The following RBBP7 variants were observed in gnomAD, a reference collection of about 807,000 sequenced individuals.
RBBP7 encodes the protein histone-binding protein RBBP7.
A neutral mutation model predicts 35.2 loss-of-function variants in RBBP7; 5 were observed. The observed-to-expected ratio is 0.14, with a 90% CI of 0.07 to 0.30. The LOEUF (loss-of-function observed/expected upper bound fraction) is 0.30. Among genes scored for constraint, RBBP7 ranks in the 10% least tolerant of loss-of-function variants. The probability of loss-of-function intolerance (pLI) is 1.00; values close to 1 mark genes in which losing one functional copy is unlikely to be tolerated. For missense variants in RBBP7, 155 were observed against 327.5 expected (o/e 0.47, Z 4.07); for synonymous variants, 140 against 118.7 (o/e 1.18, Z -1.17).
chrX:16,852,993 A>G, intron 6 of RBBP7, 118 bp from the exon 7 acceptor site: 1 of 1,091,070 alleles, frequency 9.2e-7, no homozygotes, highest in Non-Finnish European at 1.2e-6. Context: ...TCATGAAGAA[A>G]CCAACCACAC....
At chrX:16,862,790 A>T (rs1930506440) in intron 3 of RBBP7, among the ~76,000 whole-genome samples, 165 bp downstream of exon 3, 2 of 112,509 alleles carry the variant, frequency 1.8e-5, no homozygotes, top group African/African-American at 6.5e-5. Context: ...CAATTCTGCA[A>T]TTACGACTAA....
intron 2 of RBBP7, among the ~76,000 whole-genome samples, chrX:16,863,484 AG>A (rs902424899): frequency 1.8e-5 from 2 of 112,002 alleles, no homozygotes; most frequent in Non-Finnish European, 3.8e-5. Context: ...TCCCACCTAA[AG>A]AAATCTTCTT....
intron 8 of RBBP7, 50 bp from the exon 9 acceptor site, chrX:16,852,172 G>T: frequency 1.0e-6 from 1 of 1,004,216 alleles, no homozygotes; most frequent in Non-Finnish European, 1.4e-6. Flanking sequence ...TCCGCTGCTA[G>T]GTTTGTGGCT....
At chrX:16,851,989 T>C in intron 9 of RBBP7, 57 bp downstream of exon 9, 4 of 1,030,304 alleles carry the variant, frequency 3.9e-6, no homozygotes, top group Non-Finnish European at 4.1e-6. Context: ...TGAATGACTA[T>C]GTAACTTGCC....
At chrX:16,853,589 TAAAAA>T (rs376093260) in intron 6 of RBBP7, 88 bp downstream of exon 6, 4 of 707,184 alleles carry the variant, frequency 5.7e-6, no homozygotes, top group Non-Finnish European at 7.5e-6. Context: ...AGCCATAACT[TAAAAA>T]AAAAAAATCA....
chrX:16,852,472 C>A, intron 8 of RBBP7, 79 bp downstream of exon 8: 1 of 1,046,734 alleles, frequency 9.6e-7, no homozygotes, highest in South Asian at 1.9e-5. Flanking sequence ...ATAGTGGACC[C>A]ACGAGTCTGG....
chrX:16,852,252 C>T lies in RBBP7; in HGVS notation c.964-130G>A, dbSNP rs191820356. 2.1e-4 allele frequency: 132 copies of T among 632,154 alleles called. No homozygotes were observed. In the African/African-American group the frequency reaches 2.7e-3, roughly 13 times the overall value. The allele number at this position is 632,154 out of a possible 1,213,427, so 52.1% of individuals were successfully genotyped here. A position where few individuals can be genotyped will look rare whatever the true frequency, so the allele number is the denominator to read the frequency against. ...ATCCTTGGCCTGATGGCCTCACTCTCTTGTCCCCGACTTTCAAGTGCTCTG... is the reference window on the plus strand; with the variant it reads ...ATCCTTGGCCTGATGGCCTCACTCTTTTGTCCCCGACTTTCAAGTGCTCTG... On this transcript the variant is annotated intron_variant, in intron 8 of 11. Transcript: ENST00000380087.
intron 5 of RBBP7, 91 bp downstream of exon 5, chrX:16,857,503 A>G: frequency 8.7e-7 from 1 of 1,152,563 alleles, no homozygotes; most frequent in Non-Finnish European, 1.2e-6. Flanking sequence ...ATTATCTTAG[A>G]AAACCTTTCA....
chrX:16,845,707 C>T (rs1023627718), intron 11 of RBBP7, 121 bp downstream of exon 11: 44 of 1,063,114 alleles, frequency 4.1e-5, no homozygotes, highest in African/African-American at 9.6e-5. Context: ...TTCTTTTAAA[C>T]GGTTTCTGTA....
chrX:16,869,536 C>T (rs1304953698), intron 1 of RBBP7: 1 of 1,167,034 alleles, frequency 8.6e-7, no homozygotes, highest in Non-Finnish European at 1.1e-6. Flanking sequence ...GCTGCGCGAC[C>T]CAGTCGGGAA....
In RBBP7 at chrX:16,857,717, A is replaced by T; in HGVS notation, c.482-8T>A. ...TACATTCTCCACTTGGGTCTAAGAA[A>T]AGATGAAAAACATTAAGTTATTCTC... is the stretch of plus-strand genomic sequence containing the variant. On this transcript the variant is annotated splice_polypyrimidine_tract_variant and splice_region_variant and intron_variant, in intron 4 of 11. Coordinates refer to ENST00000380087, the MANE Select transcript of RBBP7 (RefSeq NM_002893.4). 3.4e-6 allele frequency: 4 copies of T among 1,191,444 alleles called. No individual in the cohort carries two copies. Among genetic ancestry groups the T allele is most frequent in the Non-Finnish European group, 3.4e-6 (3 of 889,856 alleles).
chrX:16,860,281 A>AGGG (rs1569061994), intron 3 of RBBP7, among the ~76,000 whole-genome samples: 1 of 42,080 alleles, frequency 2.4e-5, no homozygotes, highest in African/African-American at 1.2e-4. Flanking sequence ...TTAAAAAAAA[A>AGGG]AGGGGGGGGG....
Position 16,869,198 on chromosome X carries a change from C to G in RBBP7, c.39G>C (p.Glu13Asp). 8.3e-7 allele frequency: 1 copy of G among 1,208,581 alleles called. No homozygotes were observed. The highest frequency in any genetic ancestry group is 1.1e-6 in the Non-Finnish European group (1 of 894,179). The part of the protein sequence containing the change: ...SKEMFEDTVE[E>D]RVINEEYKIW... ...TTTTATATTCTTCATTGATGACACG[C>G]TCCTCCACAGTATCTTCAAACACTG... Residue 13 changes from glutamate (E) to aspartate (D), a missense_variant, in exon 2 of 12, where the codon GAG becomes GAC. This residue lies in a region of RBBP7 where 59 missense variants were observed against 90.4 expected (regional missense o/e 0.65). Transcript: ENST00000380087.
chrX:16,863,971 C>G (rs1329417876), intron 2 of RBBP7, among the ~76,000 whole-genome samples: 3 of 110,411 alleles, frequency 2.7e-5, no homozygotes, highest in Non-Finnish European at 5.7e-5. Context: ...GGCCCTAACA[C>G]AAGACAAGTT....
chrX:16,870,217 C>T lies in RBBP7; in HGVS notation c.-164G>A, dbSNP rs1930752643. The T allele has an allele frequency of 1.5e-6, 1 of 683,277 alleles. No homozygotes were observed. The highest frequency in any genetic ancestry group is 2.4e-5 in the African/African-American group (1 of 42,170). 56.3% of individuals were successfully genotyped at this position (683,277 alleles called of 1,213,427 possible). A position where few individuals can be genotyped will look rare whatever the true frequency, so the allele number is the denominator to read the frequency against. On this transcript the variant is annotated 5_prime_UTR_variant, in exon 1 of 12. Transcript: ENST00000380087. ...CTGGGTGCTCCCCAGACGCCGCGTC[C>T]TTCTTTCCTGCCTCCTCCCCGCTCG... is the stretch of plus-strand genomic sequence containing the variant.
In RBBP7 at chrX:16,845,055, G is replaced by T; in HGVS notation, c.1258C>A (p.Leu420Met). 2 of 1,209,452 alleles carry T rather than the reference G, an allele frequency of 1.7e-6. No homozygotes were observed. ...DEESDVTTSE[L>M]EGQGS ...TGGGTTTAAGATCCTTGTCCCTCCA[G>T]TTCGGATGTCGTGACATCTGACTCT... The change falls in exon 12 of 12, where the codon CTG becomes ATG. Residue 420 changes from leucine to methionine, a missense_variant. Leu to Met is a conservative substitution (Grantham distance 15). This residue lies in a region of RBBP7 where 17 missense variants were observed against 16.3 expected (regional missense o/e 1.04). Transcript: ENST00000380087.
chrX:16,845,164 A>G (rs1235052025), intron 11 of RBBP7, 61 bp from the exon 12 acceptor site: 9 of 808,574 alleles, frequency 1.1e-5, no homozygotes, highest in Non-Finnish European at 1.7e-5. Flanking sequence ...ATGGTCATGT[A>G]AAAACAATTT....
chrX:16,870,164 G>T lies in RBBP7; in HGVS notation c.-111C>A. 1.1e-6 allele frequency: 1 copy of T among 939,122 alleles called. No individual in the cohort carries two copies. The allele number at this position is 939,122 out of a possible 1,213,427, so 77.4% of individuals were successfully genotyped here. On this transcript the variant is annotated 5_prime_UTR_variant, in exon 1 of 12. Transcript: ENST00000380087. Reference sequence around the variant, plus strand: ...TCCCAAGCGCGTCACACTCCCCACTGTCGAAAGCCCGGGCCCCGTCTTGCT... The same window carrying T: ...TCCCAAGCGCGTCACACTCCCCACTTTCGAAAGCCCGGGCCCCGTCTTGCT...
intron 10 of RBBP7, 44 bp from the exon 11 acceptor site, chrX:16,845,982 G>A: frequency 8.5e-7 from 1 of 1,181,564 alleles, no homozygotes; most frequent in African/African-American, 1.8e-5. Flanking sequence ...ATACTCTCCT[G>A]TTAATCCTAA....
Sources: gnomAD v4.1 joint callset for allele counts (sites outside exome capture counted in the v4.1 genomes callset) on GRCh38, gnomAD v4.1.1 for gene constraint, gnomAD v4.1.1 regional missense constraint, MANE v1.5 for transcripts, NCBI Gene and HGNC (gene_info 2026-07-23, HGNC 2026-07-21) for gene names.